The following HAPSTR1 variants were observed in gnomAD, a reference collection of about 807,000 sequenced individuals.
HAPSTR1 encodes HUWE1-associated protein modifying stress responses 1.
chr16:9,103,147 T>C, the HAPSTR1 span: 3 of 1,614,146 alleles, frequency 1.9e-6, no homozygotes, highest in Non-Finnish European at 2.5e-6. Flanking sequence ...CACGAAACTC[T>C]AGAGCTCCCC....
the HAPSTR1 span, chr16:9,092,201 G>A: frequency 6.3e-7 from 1 of 1,587,054 alleles, no homozygotes. Context: ...CGCGCAGCCC[G>A]AGCACAAGCA....
the HAPSTR1 span, chr16:9,121,261 T>A: frequency 1.3e-5 from 2 of 152,348 alleles, no homozygotes; most frequent in East Asian, 3.9e-4. Flanking sequence ...GCCTATGTTT[T>A]AAGTTTCTCT....
chr16:9,105,875 A>C, the HAPSTR1 span: 2 of 152,208 alleles, frequency 1.3e-5, no homozygotes, highest in Non-Finnish European at 2.9e-5. Flanking sequence ...TTCATGTCCT[A>C]TGTATTTAAG....
At chr16:9,112,116 G>GA in the HAPSTR1 span, 2 of 152,158 alleles carry the variant, frequency 1.3e-5, no homozygotes. Flanking sequence ...TTGGGGTGGG[G>GA]AGTGGTATCT....
the HAPSTR1 span, chr16:9,108,693 A>C: frequency 1.3e-5 from 2 of 149,982 alleles, no homozygotes; most frequent in Admixed American, 1.3e-4. Flanking sequence ...TAGTAGACTT[A>C]AAGGTGAATG....
chr16:9,091,825 G>A, the HAPSTR1 span: 3 of 393,642 alleles, frequency 7.6e-6, no homozygotes, highest in Non-Finnish European at 1.3e-5. Flanking sequence ...CGGGCCCGGG[G>A]GTGGGAAGGC....
the HAPSTR1 span, among the ~76,000 whole-genome samples, chr16:9,093,257 A>T: frequency 6.6e-6 from 1 of 152,040 alleles, no homozygotes. Flanking sequence ...GTTGTTGGGC[A>T]CCCAGTGTAT....
At chr16:9,121,497 C>G in the HAPSTR1 span, 1 of 152,182 alleles carries the variant, frequency 6.6e-6, no homozygotes, top group Non-Finnish European at 1.5e-5. Flanking sequence ...TGAAGGAAGA[C>G]TTTTTGCTTG....
the HAPSTR1 span, chr16:9,103,365 C>T: frequency 3.4e-6 from 4 of 1,174,954 alleles, no homozygotes; most frequent in South Asian, 1.6e-5. Flanking sequence ...TTTTGTCTTA[C>T]AGTAAACAGC....
chr16:9,114,181 T>C, the HAPSTR1 span, among the ~76,000 whole-genome samples: 1 of 152,044 alleles, frequency 6.6e-6, no homozygotes, highest in South Asian at 2.1e-4. Flanking sequence ...TCCTTTTTGA[T>C]GGTGTTGAGT....
chr16:9,097,705 G>A, the HAPSTR1 span, among the ~76,000 whole-genome samples: 22 of 152,204 alleles, frequency 1.4e-4, no homozygotes, highest in African/African-American at 5.3e-4. Context: ...TCCCCTGTGT[G>A]CACTCGCACA....
the HAPSTR1 span, among the ~76,000 whole-genome samples, chr16:9,115,069 C>T: frequency 6.6e-6 from 1 of 152,186 alleles, no homozygotes; most frequent in African/African-American, 2.4e-5. Context: ...ATGGGGGCAC[C>T]TAGAGTGCGG....
the HAPSTR1 span, among the ~76,000 whole-genome samples, chr16:9,113,784 C>T: frequency 6.6e-6 from 1 of 152,172 alleles, no homozygotes; most frequent in Non-Finnish European, 1.5e-5. Context: ...GCACATCTCT[C>T]CCCTCAAGTT....
chr16:9,100,789 C>T, the HAPSTR1 span, among the ~76,000 whole-genome samples: 1 of 152,134 alleles, frequency 6.6e-6, no homozygotes, highest in Admixed American at 6.5e-5. Flanking sequence ...CCCACCTTGG[C>T]CTCCCAAAGT....
the HAPSTR1 span, among the ~76,000 whole-genome samples, chr16:9,093,811 C>G: frequency 6.6e-6 from 1 of 150,706 alleles, no homozygotes; most frequent in Non-Finnish European, 1.5e-5. Context: ...TTGTGCCTTA[C>G]TGGTTTTGAA....
chr16:9,099,074 G>C, the HAPSTR1 span, among the ~76,000 whole-genome samples: 1 of 151,966 alleles, frequency 6.6e-6, no homozygotes, highest in Admixed American at 6.5e-5. Context: ...GCCCGTTGTG[G>C]TGGGAGAATT....
At chr16:9,116,689 G>A in the HAPSTR1 span, 1 of 1,614,142 alleles carries the variant, frequency 6.2e-7, no homozygotes. Flanking sequence ...GCAATGGCTA[G>A]TATAAGCGTG....
chr16:9,111,599 A>G, the HAPSTR1 span: 3 of 152,214 alleles, frequency 2.0e-5, no homozygotes, highest in Non-Finnish European at 4.4e-5. Context: ...TGAACCTGCG[A>G]TAAAATTTTG....
chr16:9,099,324 A>G, the HAPSTR1 span, among the ~76,000 whole-genome samples: 5 of 151,946 alleles, frequency 3.3e-5, no homozygotes, highest in African/African-American at 7.3e-5. Flanking sequence ...CAGCCTCCCA[A>G]GTAGCTGGGA....
Sources: gnomAD v4.1 joint callset for allele counts (sites outside exome capture counted in the v4.1 genomes callset) on GRCh38, gnomAD v4.1.1 for gene constraint, MANE v1.5 for transcripts, NCBI Gene and HGNC (gene_info 2026-07-23, HGNC 2026-07-21) for gene names.